SUGCT: variants seen among roughly 807,000 people sequenced by gnomAD.
SUGCT encodes succinyl-CoA:glutarate-CoA transferase, also known as succinyl-CoA:glutarate CoA-transferase.
A neutral mutation model predicts 55.0 loss-of-function variants in SUGCT; 41 were observed. The observed-to-expected ratio is 0.74, with a 90% CI of 0.58 to 0.97. The LOEUF (loss-of-function observed/expected upper bound fraction) is 0.97, where lower values mean the gene tolerates loss of function less well. SUGCT is among the 50% of genes least tolerant of loss of function. The pLI is 0.00. For synonymous variants in SUGCT, 187 were observed against 200.4 expected (o/e 0.93, Z 0.56); for missense variants, 568 against 547.8 (o/e 1.04, Z -0.37).
At chr7:40,393,285 A>G (rs1726700315) in intron 9 of SUGCT, among the ~76,000 whole-genome samples, 2 of 152,170 alleles carry the variant, frequency 1.3e-5, no homozygotes, top group African/African-American at 4.8e-5. Flanking sequence ...TATCAGAGAA[A>G]CAGACACAAT....
chr7:40,810,658 G>A (rs1370686469), intron 13 of SUGCT, among the ~76,000 whole-genome samples: 1 of 151,946 alleles, frequency 6.6e-6, no homozygotes, highest in East Asian at 1.9e-4. Context: ...TAGATTCTAG[G>A]TATTAGACCT....
chr7:40,545,383 C>G (rs547928321), intron 12 of SUGCT, among the ~76,000 whole-genome samples: 1 of 152,288 alleles, frequency 6.6e-6, no homozygotes, highest in East Asian at 1.9e-4. Flanking sequence ...ACATGGAATA[C>G]TTTTTGTTTT....
At chr7:40,604,777 C>T (rs1798447426) in intron 12 of SUGCT, among the ~76,000 whole-genome samples, 1 of 152,214 alleles carries the variant, frequency 6.6e-6, no homozygotes, top group Non-Finnish European at 1.5e-5. Flanking sequence ...TCATCACACT[C>T]CTGAGTGAAG....
the SUGCT span, among the ~76,000 whole-genome samples, chr7:40,911,978 A>C: frequency 6.6e-6 from 1 of 152,246 alleles, no homozygotes; most frequent in South Asian, 2.1e-4. Context: ...ATTTAAATTT[A>C]AGGTCTGTTG....
intron 12 of SUGCT, among the ~76,000 whole-genome samples, chr7:40,523,277 A>G (rs1040070030): frequency 2.0e-5 from 3 of 152,064 alleles, no homozygotes. Flanking sequence ...TATGATATCT[A>G]AAGATTTATG....
chr7:41,011,687 A>C, the SUGCT span, among the ~76,000 whole-genome samples: 1 of 152,216 alleles, frequency 6.6e-6, no homozygotes, highest in Non-Finnish European at 1.5e-5. Flanking sequence ...GAGAATTATA[A>C]TCCCACAGGA....
At chr7:40,632,144 ACAGGTGGACC>A (rs527547155) in intron 12 of SUGCT, among the ~76,000 whole-genome samples, 16 of 152,154 alleles carry the variant, frequency 1.1e-4, no homozygotes, top group Non-Finnish European at 2.4e-4. Flanking sequence ...TGCATTTGGC[ACAGGTGGACC>A]CTCAGGATGA....
rs1020347110 is a variant in SUGCT at position 40,537,966 on chromosome 7, CT to C, written c.1089+41588del. Among the ~76,000 whole-genome samples, 14 of 151,788 alleles carry C rather than the reference CT, an allele frequency of 9.2e-5. No individual in the cohort carries two copies. In the East Asian group the frequency reaches 2.5e-3, roughly 27 times the overall value. On this transcript the variant is annotated intron_variant, in intron 12 of 13. Transcript: ENST00000335693. Reference sequence around the variant, plus strand: ...ATTGCATATATCTGATTTCTGTGTTCTTTTTTTTGGTTAGAATAATGAACAC... The same window carrying C: ...ATTGCATATATCTGATTTCTGTGTTCTTTTTTTGGTTAGAATAATGAACAC...
In SUGCT at chr7:40,822,142, T is replaced by A. The variant is rs542603559; in HGVS notation, c.1154-38174T>A. Reference sequence around the variant, plus strand: ...TGGTCTGAGAGACAGTTTGTTATAATTTCTGTTCTTTTACATTTGCTGAGG... The same window carrying A: ...TGGTCTGAGAGACAGTTTGTTATAAATTCTGTTCTTTTACATTTGCTGAGG... On this transcript the variant is annotated intron_variant, in intron 13 of 13. Transcript: ENST00000335693. Among the ~76,000 whole-genome samples, 20 of 152,310 alleles carry A rather than the reference T, an allele frequency of 1.3e-4. No homozygotes were observed. The South Asian group carries it at 4.1e-3, about 32-fold the overall frequency.
intron 13 of SUGCT, among the ~76,000 whole-genome samples, chr7:40,807,021 G>C (rs1791136039): frequency 6.6e-6 from 1 of 152,292 alleles, no homozygotes; most frequent in South Asian, 2.1e-4. Context: ...GATTGAGTGA[G>C]TTCATGCATG....
chr7:40,930,941 A>G, the SUGCT span, among the ~76,000 whole-genome samples: 49,867 of 152,024 alleles, frequency 0.33, 8,566 homozygotes, highest in African/African-American at 0.43. Flanking sequence ...TACCCAGGCC[A>G]GAACTTCCAA....
chr7:40,616,728 A>T (rs1169851444), intron 12 of SUGCT, among the ~76,000 whole-genome samples: 1 of 152,210 alleles, frequency 6.6e-6, no homozygotes, highest in Non-Finnish European at 1.5e-5. Flanking sequence ...CTCAGGGAGA[A>T]GTCCTGTTGG....
intron 12 of SUGCT, among the ~76,000 whole-genome samples, chr7:40,737,846 C>G (rs1237418948): frequency 1.3e-5 from 2 of 151,932 alleles, no homozygotes; most frequent in Non-Finnish European, 2.9e-5. Context: ...ATCGCTATAA[C>G]CCAGGAGGTG....
intron 12 of SUGCT, among the ~76,000 whole-genome samples, chr7:40,625,369 A>G (rs1257458662): frequency 6.6e-6 from 1 of 152,070 alleles, no homozygotes; most frequent in African/African-American, 2.4e-5. Context: ...TAAATAGGGT[A>G]TCAGGATCCA....
intron 1 of SUGCT, among the ~76,000 whole-genome samples, chr7:40,172,152 C>T (rs562686211): frequency 6.6e-6 from 1 of 152,182 alleles, no homozygotes; most frequent in Non-Finnish European, 1.5e-5. Flanking sequence ...TTGTCATAGA[C>T]CCAGTTCCAG....
At chr7:40,837,393 C>T (rs1031357926) in intron 13 of SUGCT, among the ~76,000 whole-genome samples, 8 of 152,122 alleles carry the variant, frequency 5.3e-5, no homozygotes, top group African/African-American at 1.9e-4. Flanking sequence ...TCTTCATCTC[C>T]TTAACATGAT....
At chr7:40,656,551 T>C (rs999490700) in intron 12 of SUGCT, among the ~76,000 whole-genome samples, 8 of 152,206 alleles carry the variant, frequency 5.3e-5, no homozygotes, top group African/African-American at 1.9e-4. Flanking sequence ...CAATTCCAGA[T>C]GTGAAACTGA....
intron 1 of SUGCT, among the ~76,000 whole-genome samples, chr7:40,155,450 C>G (rs1273762632): frequency 6.6e-6 from 1 of 151,724 alleles, no homozygotes; most frequent in African/African-American, 2.4e-5. Context: ...GGGAAAAGGA[C>G]ACTGCTCGTT....
At chr7:40,606,295 G>A (rs1307144755) in intron 12 of SUGCT, among the ~76,000 whole-genome samples, 1 of 152,210 alleles carries the variant, frequency 6.6e-6, no homozygotes, top group African/African-American at 2.4e-5. Flanking sequence ...AAGTGTGGAT[G>A]ACACTGATAA....
Sources: allele counts gnomAD v4.1 joint callset (sites outside exome capture counted in the v4.1 genomes callset), GRCh38; gene constraint gnomAD v4.1.1; transcripts MANE v1.5; gene names NCBI Gene and HGNC (gene_info 2026-07-23, HGNC 2026-07-21).